Variants in RIMBP2 observed in about 807,000 individuals in gnomAD.
RIMBP2 encodes RIMS-binding protein 2.
RIMBP2 carries 48 observed loss-of-function variants against 118.6 expected under a neutral mutation model. The observed-to-expected ratio is 0.40, with a 90% confidence interval of 0.32 to 0.51. RIMBP2 has a LOEUF of 0.51. Ranked by LOEUF, RIMBP2 falls within the 20% of genes least tolerant of loss-of-function variation. The pLI is 0.41. For synonymous variants in RIMBP2, 762 were observed against 742.9 expected (o/e 1.03, Z -0.42); for missense variants, 1,551 against 1,768.3 (o/e 0.88, Z 2.20).
In RIMBP2 at chr12:130,434,936, A is replaced by C; in HGVS notation, c.2107-56T>G. On this transcript the variant is annotated intron_variant, in intron 13 of 22. Coordinates refer to ENST00000690449, the MANE Select transcript of RIMBP2 (RefSeq NM_001393629.1). This position sits in a 1 kb window ranked among gnomAD's most constrained non-coding sequence, Gnocchi z 5.7. ...GGCAGGGCCACCTTCAGCTACGCTC[A>C]GCCCCACCTGCATTCACCAAACCTT... is the stretch of plus-strand genomic sequence containing the variant. The C allele has an allele frequency of 6.5e-7, 1 of 1,538,144 alleles. No homozygotes were observed. The highest frequency in any genetic ancestry group is 8.8e-7 in the Non-Finnish European group (1 of 1,141,028).
chr12:130,652,700 GAA>G (rs111727628), intron 1 of RIMBP2, among the ~76,000 whole-genome samples: 4 of 152,186 alleles, frequency 2.6e-5, no homozygotes, highest in African/African-American at 9.7e-5. Flanking sequence ...GATTTATAAA[GAA>G]AAGAGTTTTA....
At chr12:130,546,110 T>TC (rs1046571319) in intron 2 of RIMBP2, among the ~76,000 whole-genome samples, 5 of 146,168 alleles carry the variant, frequency 3.4e-5, no homozygotes, top group African/African-American at 1.3e-4. Flanking sequence ...TTTTTTTTTT[T>TC]TTTTTTTGGG....
At chr12:130,533,578 A>G (rs2053702073) in intron 2 of RIMBP2, among the ~76,000 whole-genome samples, 1 of 152,242 alleles carries the variant, frequency 6.6e-6, no homozygotes, top group Non-Finnish European at 1.5e-5. Flanking sequence ...AAAGGAAAAC[A>G]AATCATTGTA....
rs765254216 is a variant in RIMBP2 at position 130,436,883 on chromosome 12, T to C, written c.2065A>G (p.Met689Val). 7 of 1,574,714 alleles carry C rather than the reference T, an allele frequency of 4.4e-6. No individual in the cohort carries two copies. The East Asian group carries it at 6.9e-5, about 15-fold the overall frequency. The change falls in exon 13 of 23, where the codon ATG (methionine) becomes GTG (valine). Residue 689 changes from methionine to valine, a missense_variant. By Grantham distance (21) the Met-to-Val change is conservative (BLOSUM62 1). Transcript: ENST00000690449. ...ACCCTCTGCGCGGCCTCCCGGGCCA[T>C]GGCCTTGGCGACGGTGGTGGACACC... ...TPVSTTVAKA[M>V]AREAAQRVAE...
At chr12:130,410,040 T>C (rs1257878603) in intron 19 of RIMBP2, among the ~76,000 whole-genome samples, 2 of 152,278 alleles carry the variant, frequency 1.3e-5, no homozygotes, top group South Asian at 2.1e-4. Flanking sequence ...TGGCACACTT[T>C]GTGCCCACAC....
chr12:130,696,731 G>A (rs1421482937), intron 1 of RIMBP2, among the ~76,000 whole-genome samples: 1 of 152,188 alleles, frequency 6.6e-6, no homozygotes, highest in African/African-American at 2.4e-5. Context: ...AGGAGTAAGG[G>A]GAATTAAAAG....
intron 1 of RIMBP2, among the ~76,000 whole-genome samples, chr12:130,642,980 A>G (rs2062691039): frequency 6.6e-6 from 1 of 152,182 alleles, no homozygotes; most frequent in Non-Finnish European, 1.5e-5. Context: ...GCATGAATTT[A>G]TATCCCCACC....
intron 2 of RIMBP2, among the ~76,000 whole-genome samples, chr12:130,580,028 C>CAAAAAAAA (rs55653381): frequency 5.1e-5 from 6 of 116,522 alleles, no homozygotes; most frequent in African/African-American, 1.7e-4. Flanking sequence ...ACCAAAAATA[C>CAAAAAAAA]AAAAAAAAAA....
intron 15 of RIMBP2, chr12:130,426,605 C>A (rs988425651): frequency 6.6e-6 from 1 of 152,230 alleles, no homozygotes; most frequent in Non-Finnish European, 1.5e-5. Flanking sequence ...AACCAGACAA[C>A]ACCTTGTGGA....
chr12:130,450,360 C>G lies in RIMBP2; in HGVS notation c.505-84G>C. The G allele has an allele frequency of 9.6e-7, 1 of 1,045,644 alleles. No homozygotes were observed. Among genetic ancestry groups the G allele is most frequent in the Non-Finnish European group, 1.5e-6 (1 of 686,430 alleles). The allele number at this position is 1,045,644 out of a possible 1,614,324, so 64.8% of individuals were successfully genotyped here. ...CCGCGGCACACGGGAAAGCCCCTCG[C>G]AGCTTCCTGGGCCCCAGGAGGGACG... On this transcript the variant is annotated intron_variant, in intron 8 of 22. Coordinates refer to ENST00000690449, the MANE Select transcript of RIMBP2 (RefSeq NM_001393629.1). This position sits in a 1 kb window ranked among gnomAD's most constrained non-coding sequence, Gnocchi z 4.8.
chr12:130,677,506 T>C (rs990586114), intron 1 of RIMBP2, among the ~76,000 whole-genome samples: 1 of 152,066 alleles, frequency 6.6e-6, no homozygotes, highest in Non-Finnish European at 1.5e-5. Context: ...CGGGCACTTG[T>C]AGTCCCAGCT....
intron 3 of RIMBP2, among the ~76,000 whole-genome samples, chr12:130,508,229 T>C (rs540973788): frequency 6.6e-6 from 1 of 152,134 alleles, no homozygotes; most frequent in Non-Finnish European, 1.5e-5. Context: ...CATGCTTGAA[T>C]GCCCCTAAAT....
rs1252532806 is a variant in RIMBP2, at chr12:130,683,069, A to G, written c.-352+33153T>C. 2.0e-5 allele frequency among the ~76,000 whole-genome samples: 3 copies of G among 152,182 alleles called. No individual in the cohort carries two copies. Among genetic ancestry groups the G allele is most frequent in the Non-Finnish European group, 4.4e-5 (3 of 68,044 alleles). Reference sequence around the variant, plus strand: ...AGTAGTTGAATAGTGCCTTCCCCAAAAAACCCACATGACCCCATTTGGAAA... The same window carrying G: ...AGTAGTTGAATAGTGCCTTCCCCAAGAAACCCACATGACCCCATTTGGAAA... On this transcript the variant is annotated intron_variant, in intron 1 of 22. Transcript: ENST00000690449. The surrounding 1 kb of genome is among the most constrained non-coding windows in gnomAD (Gnocchi z 4.4).
Position 130,623,907 on chromosome 12 carries a change from A to G in RIMBP2, c.-217+4415T>C, listed in dbSNP as rs548684130. Reference sequence around the variant, plus strand: ...GCAGGATTGAGTCCCCATCACCCACAGTGGCAACTGGCTGGATAACACACA... The same window carrying G: ...GCAGGATTGAGTCCCCATCACCCACGGTGGCAACTGGCTGGATAACACACA... On this transcript the variant is annotated intron_variant, in intron 2 of 22. Coordinates refer to ENST00000690449, the MANE Select transcript of RIMBP2 (RefSeq NM_001393629.1). This position sits in a 1 kb window ranked among gnomAD's most constrained non-coding sequence, Gnocchi z 4.1. 3.9e-5 allele frequency among the ~76,000 whole-genome samples: 6 copies of G among 152,314 alleles called. No homozygotes were observed. Among genetic ancestry groups the G allele is most frequent in the African/African-American group, 1.4e-4 (6 of 41,586 alleles).
intron 5 of RIMBP2, among the ~76,000 whole-genome samples, chr12:130,474,913 T>G (rs1434366916): frequency 6.6e-6 from 1 of 152,144 alleles, no homozygotes; most frequent in Non-Finnish European, 1.5e-5. Flanking sequence ...TTGCTGGGAC[T>G]TCACTGACAT....
At chr12:130,585,498 G>C (rs1291556940) in intron 2 of RIMBP2, among the ~76,000 whole-genome samples, 1 of 151,886 alleles carries the variant, frequency 6.6e-6, no homozygotes, top group Non-Finnish European at 1.5e-5. Flanking sequence ...TGTAGTCCCA[G>C]CTACTCGGGA....
intron 2 of RIMBP2, among the ~76,000 whole-genome samples, chr12:130,550,499 T>C (rs1230194888): frequency 6.6e-6 from 1 of 152,206 alleles, no homozygotes; most frequent in East Asian, 1.9e-4. Flanking sequence ...AATGTTGGTG[T>C]CCAGGCTGTG....
At chr12:130,564,897 G>A (rs77784168) in intron 2 of RIMBP2, among the ~76,000 whole-genome samples, 9,836 of 152,178 alleles carry the variant, frequency 0.065, 674 homozygotes, top group East Asian at 0.2. Flanking sequence ...CACACACACA[G>A]AACAACAAGG....
At chr12:130,658,759 C>G (rs1290479147) in intron 1 of RIMBP2, 1 of 152,244 alleles carries the variant, frequency 6.6e-6, no homozygotes. Flanking sequence ...CTGCAACCAG[C>G]CCGCACCCGC....
Sources: gnomAD v4.1 joint callset for allele counts (sites outside exome capture counted in the v4.1 genomes callset) on GRCh38, gnomAD v4.1.1 for gene constraint, Gnocchi (gnomAD v3.1) non-coding constraint, MANE v1.5 for transcripts, NCBI Gene and HGNC (gene_info 2026-07-23, HGNC 2026-07-21) for gene names.